NPL: variants seen among roughly 807,000 people sequenced by gnomAD.
The protein encoded by NPL is N-acetylneuraminate pyruvate lyase, also known as N-acetylneuraminate lyase.
Under a neutral mutation model 41.1 loss-of-function variants are expected in NPL, and 32 were observed. The ratio of observed to expected loss-of-function variants is 0.78; its 90% CI spans 0.59 to 1.05. The LOEUF (loss-of-function observed/expected upper bound fraction) is 1.05. Ranked by LOEUF, NPL falls within the 50% of genes least tolerant of loss-of-function variation. The pLI is 0.00. For synonymous variants in NPL, 128 were observed against 134.9 expected, an observed-to-expected ratio of 0.95 and a Z score of 0.35; for missense variants, 321 against 378.4, an observed-to-expected ratio of 0.85 and a Z score of 1.26.
chr1:182,795,652 G>A (rs555800528), intron 3 of NPL: 1 of 152,256 alleles, frequency 6.6e-6, no homozygotes, highest in Admixed American at 6.5e-5. Flanking sequence ...GTCTAAATAA[G>A]ATTCTTGCTG....
chr1:182,825,291 C>T (rs924389809), intron 11 of NPL, among the ~76,000 whole-genome samples: 4 of 152,120 alleles, frequency 2.6e-5, no homozygotes, highest in Non-Finnish European at 5.9e-5. Flanking sequence ...AAAGAACAAC[C>T]TGCACCTCCA....
chr1:182,823,449 T>G (rs957412088), intron 11 of NPL, among the ~76,000 whole-genome samples: 3 of 152,196 alleles, frequency 2.0e-5, no homozygotes, highest in African/African-American at 7.2e-5. Context: ...CCTTAAAGTT[T>G]AAATACCATA....
intron 4 of NPL, among the ~76,000 whole-genome samples, chr1:182,804,026 A>G (rs1385617205): frequency 6.6e-6 from 1 of 152,242 alleles, no homozygotes; most frequent in Non-Finnish European, 1.5e-5. Flanking sequence ...AGATGAAAAT[A>G]TATGACTCAG....
At chr1:182,791,076 G>A (rs999354460) in intron 1 of NPL, among the ~76,000 whole-genome samples, 1 of 152,172 alleles carries the variant, frequency 6.6e-6, no homozygotes. Flanking sequence ...GACAGTCTAG[G>A]AGAGGAGCCA....
intron 11 of NPL, among the ~76,000 whole-genome samples, chr1:182,823,456 C>T (rs1186578530): frequency 6.6e-6 from 1 of 152,134 alleles, no homozygotes; most frequent in East Asian, 1.9e-4. Flanking sequence ...GTTTAAATAC[C>T]ATATGTAATA....
chr1:182,793,304 T>G (rs1666567715), intron 2 of NPL, among the ~76,000 whole-genome samples: 1 of 152,168 alleles, frequency 6.6e-6, no homozygotes, highest in Non-Finnish European at 1.5e-5. Context: ...TTGCTTCTTG[T>G]GGCCCATCCA....
chr1:182,816,624 G>A, intron 7 of NPL, 90 bp from the exon 8 acceptor site: 1 of 898,456 alleles, frequency 1.1e-6, no homozygotes. Context: ...GAGAAACATG[G>A]TTGTGTTTCA....
intron 3 of NPL, among the ~76,000 whole-genome samples, chr1:182,801,612 G>A (rs1666848120): frequency 6.6e-6 from 1 of 152,178 alleles, no homozygotes; most frequent in Non-Finnish European, 1.5e-5. Context: ...CACTTTGGGA[G>A]GCTAAGGCAG....
rs138277505 is a variant in NPL, at chr1:182,793,315, G to C, written c.-17+1029G>C. 1.3e-3 allele frequency among the ~76,000 whole-genome samples: 193 copies of C among 152,264 alleles called. 1 individual carries two copies. Among genetic ancestry groups the C allele is most frequent in the African/African-American group, 4.5e-3 (188 of 41,532 alleles). Reference sequence around the variant, plus strand: ...TCTGTTGCTTCTTGTGGCCCATCCAGAGTCTTTTACACTGATTATGGGCAG... The same window carrying C: ...TCTGTTGCTTCTTGTGGCCCATCCACAGTCTTTTACACTGATTATGGGCAG... On this transcript the variant is annotated intron_variant, in intron 2 of 12. Coordinates refer to ENST00000367553, the MANE Select transcript of NPL (RefSeq NM_030769.3).
intron 6 of NPL, among the ~76,000 whole-genome samples, chr1:182,812,595 AT>A (rs1667208739): frequency 6.6e-6 from 1 of 152,208 alleles, no homozygotes; most frequent in Admixed American, 6.5e-5. Flanking sequence ...GCAAATGTGA[AT>A]TCTGCATTGG....
intron 3 of NPL, among the ~76,000 whole-genome samples, chr1:182,795,261 T>G (rs74847856): frequency 0.014 from 2,192 of 152,274 alleles, 60 homozygotes; most frequent in African/African-American, 0.05. Flanking sequence ...TATTTAAGCT[T>G]CTCCTTTCTT....
intron 3 of NPL, 69 bp downstream of exon 3, chr1:182,794,508 A>T: frequency 6.8e-7 from 1 of 1,476,354 alleles, no homozygotes; most frequent in Non-Finnish European, 9.5e-7. Context: ...GTTCTTTGTA[A>T]CAACAGTCAC....
intron 5 of NPL, chr1:182,809,193 A>T (rs1428021152): frequency 4.5e-6 from 2 of 448,130 alleles, no homozygotes; most frequent in Non-Finnish European, 8.9e-6. Flanking sequence ...AGGTCAAACC[A>T]TCATAAGTTG....
At chr1:182,801,265 A>C (rs1315970526) in intron 3 of NPL, among the ~76,000 whole-genome samples, 1 of 152,118 alleles carries the variant, frequency 6.6e-6, no homozygotes, top group African/African-American at 2.4e-5. Context: ...ATTTTATAAG[A>C]AGCAGCAACC....
chr1:182,829,781 C>G lies in NPL; in HGVS notation c.*873C>G, dbSNP rs1304571871. ...TAATGTTATTATCCTGTCACACTTGCAACTAGTGACTTTTGTTTAGTGATA... is the reference window on the plus strand; with the variant it reads ...TAATGTTATTATCCTGTCACACTTGGAACTAGTGACTTTTGTTTAGTGATA... On this transcript the variant is annotated 3_prime_UTR_variant, in exon 13 of 13. Transcript: ENST00000367553. 16 of 741,706 alleles carry G rather than the reference C, an allele frequency of 2.2e-5. No homozygotes were observed. The highest frequency in any genetic ancestry group is 5.2e-5 in the Admixed American group (2 of 38,628). 45.9% of individuals were successfully genotyped at this position (741,706 alleles called of 1,614,324 possible). A position where few individuals can be genotyped will look rare whatever the true frequency, so the allele number is the denominator to read the frequency against.
Position 182,818,618 on chromosome 1 carries a change from C to G in NPL, c.535C>G (p.Leu179Val). The G allele has an allele frequency of 6.2e-7, 1 of 1,614,216 alleles. No homozygotes were observed. Among genetic ancestry groups the G allele is most frequent in the South Asian group, 1.1e-5 (1 of 91,090 alleles). Residue 179 changes from leucine to valine, a missense_variant, in exon 9 of 13, where the codon CTC becomes GTC. Leu to Val is a conservative substitution (Grantham distance 32, BLOSUM62 1). Transcript: ENST00000367553. The stretch of plus-strand genomic sequence containing the variant: ...AGGGCTGAAATTCAGTGATACAGAT[C>G]TCTTAGACTTCGGGCAATGTGTTGA... ...FQGLKFSDTD[L>V]LDFGQCVDQN...
intron 5 of NPL, 139 bp downstream of exon 5, chr1:182,806,371 C>T (rs376049976): frequency 9.7e-6 from 15 of 1,549,026 alleles, no homozygotes; most frequent in Admixed American, 2.0e-5. Context: ...GAGCAGGGCC[C>T]CCGGGATCCT....
chr1:182,807,596 GC>G (rs758289853), intron 5 of NPL, among the ~76,000 whole-genome samples: 115 of 152,004 alleles, frequency 7.6e-4, no homozygotes, highest in Admixed American at 7.4e-3. Context: ...AACAGTACTG[GC>G]CGGGCATGGT....
At chr1:182,818,275 C>G (rs1667390224) in intron 8 of NPL, among the ~76,000 whole-genome samples, 1 of 152,186 alleles carries the variant, frequency 6.6e-6, no homozygotes. Flanking sequence ...GTTTTGGGTA[C>G]TTTGTCTCAG....
Sources: allele counts gnomAD v4.1 joint callset (sites outside exome capture counted in the v4.1 genomes callset), GRCh38; gene constraint gnomAD v4.1.1; transcripts MANE v1.5; gene names NCBI Gene and HGNC (gene_info 2026-07-23, HGNC 2026-07-21).